Variants in SLCO1B3 observed in about 807,000 individuals in gnomAD.
SLCO1B3 encodes the protein liver-specific organic anion transporter 2.
In SLCO1B3, 72 loss-of-function variants were observed where a neutral mutation model predicts 71.8. The ratio of observed to expected loss-of-function variants is 1.00; its 90% confidence interval spans 0.83 to 1.22. SLCO1B3 has a LOEUF of 1.22. Among genes scored for constraint, SLCO1B3 ranks in the 50% most tolerant of loss-of-function variants. The probability of loss-of-function intolerance (pLI) is 0.00; values close to 1 mark genes in which losing one functional copy is unlikely to be tolerated. For missense variants in SLCO1B3, 911 were observed against 819.7 expected, an observed-to-expected ratio of 1.11 and a Z score of -1.36; for synonymous variants, 298 against 278.4, an observed-to-expected ratio of 1.07 and a Z score of -0.70.
chr12:20,910,666 T>C (rs1196079481), intron 15 of SLCO1B3, among the ~76,000 whole-genome samples: 1 of 152,202 alleles, frequency 6.6e-6, no homozygotes, highest in Non-Finnish European at 1.5e-5. Flanking sequence ...CCTATGCCTT[T>C]TGTATATATT....
intron 5 of SLCO1B3, among the ~76,000 whole-genome samples, chr12:20,859,403 A>G (rs1006952890): frequency 5.9e-5 from 9 of 152,132 alleles, no homozygotes; most frequent in Admixed American, 2.0e-4. Flanking sequence ...ATACTGAGAG[A>G]CAACGAGCAG....
intron 3 of SLCO1B3, among the ~76,000 whole-genome samples, chr12:20,840,197 CT>C (rs1250376472): frequency 6.6e-6 from 1 of 151,964 alleles, no homozygotes; most frequent in Non-Finnish European, 1.5e-5. Context: ...TGTTATTTGC[CT>C]TTTAGGTGAC....
At chr12:20,819,286 C>G (rs1238000401) in intron 3 of SLCO1B3, among the ~76,000 whole-genome samples, 1 of 152,074 alleles carries the variant, frequency 6.6e-6, no homozygotes, top group Admixed American at 6.6e-5. Context: ...TCAGGGAGAG[C>G]ATGTGTGTTT....
At chr12:20,899,476 G>A (rs569635235) in intron 14 of SLCO1B3, among the ~76,000 whole-genome samples, 35 of 152,286 alleles carry the variant, frequency 2.3e-4, no homozygotes. Flanking sequence ...AAATTACCGT[G>A]AAGAAGTTGT....
intron 13 of SLCO1B3, among the ~76,000 whole-genome samples, chr12:20,889,199 T>A (rs1740472229): frequency 6.6e-6 from 1 of 151,648 alleles, no homozygotes; most frequent in Admixed American, 6.6e-5. Context: ...GGTATCAGCA[T>A]GATGCTGACT....
At chr12:20,821,571 A>G (rs1591742569) in intron 3 of SLCO1B3, among the ~76,000 whole-genome samples, 1 of 152,006 alleles carries the variant, frequency 6.6e-6, no homozygotes, top group Admixed American at 6.6e-5. Context: ...GAAATAAGGG[A>G]TTGGGGGTTC....
rs1162168083 is a variant in SLCO1B3, at chr12:20,883,486, TGA to T, written c.1567_1568del (p.Glu523MetfsTer5). On this transcript the variant is annotated frameshift_variant, in exon 13 of 16. Transcript: ENST00000381545. LOFTEE classifies it high-confidence loss of function. ...QNRNYSAHLG[E>X]CPRDNTCTRK... ...ACAGAAATTACTCAGCACACTTGGG[TGA>T]ATGCCCAAGAGATAATACTTGTACA... 3 of 1,597,198 alleles carry T rather than the reference TGA, an allele frequency of 1.9e-6. No homozygotes were observed. The highest frequency in any genetic ancestry group is 2.6e-6 in the Non-Finnish European group (3 of 1,170,168).
At chr12:20,860,813 G>T (rs992951112) in intron 5 of SLCO1B3, among the ~76,000 whole-genome samples, 20 of 152,062 alleles carry the variant, frequency 1.3e-4, no homozygotes, top group Admixed American at 6.6e-4. Flanking sequence ...ATGGTGTATT[G>T]AAGTATCTTT....
chr12:20,854,721 A>G (rs141078414), intron 3 of SLCO1B3, among the ~76,000 whole-genome samples: 101 of 152,276 alleles, frequency 6.6e-4, no homozygotes, highest in African/African-American at 2.4e-3. Flanking sequence ...GCTCACCATC[A>G]TGGCCATCTG....
At chr12:20,851,994 A>G (rs901717383) in intron 3 of SLCO1B3, among the ~76,000 whole-genome samples, 5 of 152,160 alleles carry the variant, frequency 3.3e-5, no homozygotes, top group African/African-American at 9.7e-5. Context: ...TCTGAACTCT[A>G]TTCTATTCCA....
rs114985190 is a variant in SLCO1B3 at position 20,811,187 on chromosome 12, G to A, written c.-181+423G>A. On this transcript the variant is annotated intron_variant, in intron 1 of 15. Transcript: ENST00000381545. ...TTTAACTGGATAAGTAGGAGTGGGC[G>A]GGTGGAGGGGTGGAAAATATGTTTC... Among the ~76,000 whole-genome samples, 1,064 of 152,174 alleles carry A rather than the reference G, an allele frequency of 7.0e-3. 9 individuals carry two copies. The highest frequency in any genetic ancestry group is 0.023 in the African/African-American group (973 of 41,532).
chr12:20,884,745 A>T (rs914684410), intron 13 of SLCO1B3, among the ~76,000 whole-genome samples: 1 of 152,010 alleles, frequency 6.6e-6, no homozygotes, highest in Non-Finnish European at 1.5e-5. Context: ...TCGGAAGTTC[A>T]TGGCCAGCCA....
At position 20,883,408 on chromosome 12, in the gene SLCO1B3, C is replaced by A; in HGVS notation, c.1498-10C>A. 1.4e-6 allele frequency: 2 copies of A among 1,474,136 alleles called. No individual in the cohort carries two copies. The highest frequency in any genetic ancestry group is 1.8e-6 in the Non-Finnish European group (2 of 1,102,018). 91.3% of individuals were successfully genotyped at this position (1,474,136 alleles called of 1,614,324 possible). Reference sequence around the variant, plus strand: ...AATGTATTTGTTAATATTTCAAAAACTATTTTTAGGTGTTTTATAACTGTA... The same window carrying A: ...AATGTATTTGTTAATATTTCAAAAAATATTTTTAGGTGTTTTATAACTGTA... On this transcript the variant is annotated splice_polypyrimidine_tract_variant and intron_variant, in intron 12 of 15. Transcript: ENST00000381545.
chr12:20,846,855 T>C (rs958893655), intron 3 of SLCO1B3, among the ~76,000 whole-genome samples: 1 of 151,902 alleles, frequency 6.6e-6, no homozygotes, highest in African/African-American at 2.4e-5. Flanking sequence ...ATTACACTAA[T>C]GAACAGCTTG....
chr12:20,875,158 A>G lies in SLCO1B3; in HGVS notation c.728-77A>G, dbSNP rs970022476. The G allele has an allele frequency of 1.1e-5, 17 of 1,506,552 alleles. No homozygotes were observed. The African/African-American group carries it at 2.1e-4, about 19-fold the overall frequency. The allele number at this position is 1,506,552 out of a possible 1,614,324, so 93.3% of individuals were successfully genotyped here. A position where few individuals can be genotyped will look rare whatever the true frequency, so the allele number is the denominator to read the frequency against. Reference sequence around the variant, plus strand: ...CTTTCTTCATCTATGGAGGACTGCAATCATTATCATTATTTCCCAGAACCT... The same window carrying G: ...CTTTCTTCATCTATGGAGGACTGCAGTCATTATCATTATTTCCCAGAACCT... On this transcript the variant is annotated intron_variant, in intron 8 of 15. Coordinates refer to ENST00000381545, the MANE Select transcript of SLCO1B3 (RefSeq NM_019844.4).
At position 20,814,752 on chromosome 12, in the gene SLCO1B3, G is replaced by A. The variant is rs376586454; in HGVS notation, c.-65-922G>A. ...AAAAATACAAAACAATTAGCCGGGC[G>A]TTGTGGCACGCACCTGCGCCTGTGG... On this transcript the variant is annotated intron_variant, in intron 2 of 15. Coordinates refer to ENST00000381545, the MANE Select transcript of SLCO1B3 (RefSeq NM_019844.4). 2.0e-3 allele frequency among the ~76,000 whole-genome samples: 301 copies of A among 152,008 alleles called. 4 individuals are homozygous for A. The South Asian group carries it at 0.033, about 17-fold the overall frequency.
intron 4 of SLCO1B3, among the ~76,000 whole-genome samples, chr12:20,856,939 G>C (rs1286317624): frequency 1.3e-5 from 2 of 148,928 alleles, no homozygotes; most frequent in Non-Finnish European, 3.0e-5. Flanking sequence ...CCAATAACCA[G>C]TGGACACGAG....
chr12:20,885,518 A>C (rs1253023551), intron 13 of SLCO1B3, among the ~76,000 whole-genome samples: 1 of 37,728 alleles, frequency 2.7e-5, no homozygotes, highest in Non-Finnish European at 1.3e-4. Context: ...CTAGAAAGAA[A>C]AATAAATCAG....
intron 6 of SLCO1B3, among the ~76,000 whole-genome samples, chr12:20,861,470 TC>T (rs146215245): frequency 0.02 from 3,072 of 152,190 alleles, 108 homozygotes; most frequent in African/African-American, 0.07. Flanking sequence ...ATATGAGTTG[TC>T]CTAGAACAAA....
Sources: allele counts gnomAD v4.1 joint callset (sites outside exome capture counted in the v4.1 genomes callset), GRCh38; gene constraint gnomAD v4.1.1; transcripts MANE v1.5; gene names NCBI Gene and HGNC (gene_info 2026-07-23, HGNC 2026-07-21).